TENM4: variants seen among roughly 807,000 people sequenced by gnomAD.
The protein encoded by TENM4 is teneurin-4.
TENM4 carries 82 observed loss-of-function variants against 243.3 expected under a neutral mutation model. The ratio of observed to expected loss-of-function variants is 0.34; its 90% CI spans 0.28 to 0.40. TENM4 has a LOEUF of 0.40. Ranked by LOEUF, TENM4 falls within the 10% of genes least tolerant of loss-of-function variation. TENM4 has a pLI of 1.00. For synonymous variants in TENM4, 1,412 were observed against 1,456.3 expected (o/e 0.97, Z 0.69); for missense variants, 3,138 against 3,673.3 (o/e 0.85, Z 3.77).
chr11:79,106,756 C>A lies in TENM4; in HGVS notation c.-65-36747G>T, dbSNP rs377258881. Among the ~76,000 whole-genome samples the A allele has an allele frequency of 3.9e-5, 6 of 152,196 alleles. No homozygotes were observed. In the East Asian group the frequency reaches 7.7e-4, roughly 20 times the overall value. On this transcript the variant is annotated intron_variant, in intron 4 of 33. Transcript: ENST00000278550. Reference sequence around the variant, plus strand: ...GTGCAGGGCAATGGCAGAGATGGGACAAGAACTCATCTGCTGACCCGCATC... The same window carrying A: ...GTGCAGGGCAATGGCAGAGATGGGAAAAGAACTCATCTGCTGACCCGCATC...
At chr11:78,942,435 AC>A (rs1856918860) in intron 6 of TENM4, among the ~76,000 whole-genome samples, 1 of 142,492 alleles carries the variant, frequency 7.0e-6, no homozygotes, top group Non-Finnish European at 1.5e-5. Flanking sequence ...ATAGCACAAG[AC>A]CCTGTCTCAA....
At chr11:78,854,619 G>C (rs1366472622) in intron 11 of TENM4, among the ~76,000 whole-genome samples, 1 of 152,096 alleles carries the variant, frequency 6.6e-6, no homozygotes, top group Non-Finnish European at 1.5e-5. Flanking sequence ...TCTGTACCAG[G>C]ACAACCATGC....
At chr11:78,861,987 G>T (rs1858832475) in intron 10 of TENM4, among the ~76,000 whole-genome samples, 1 of 152,156 alleles carries the variant, frequency 6.6e-6, no homozygotes, top group Non-Finnish European at 1.5e-5. Context: ...TGCCACTCTT[G>T]GCTGACAATG....
intron 4 of TENM4, among the ~76,000 whole-genome samples, chr11:79,094,573 G>T (rs1861033540): frequency 6.6e-6 from 1 of 152,162 alleles, no homozygotes; most frequent in African/African-American, 2.4e-5. Context: ...ATTCCAGTAG[G>T]CATTGGGGGG....
intron 6 of TENM4, among the ~76,000 whole-genome samples, chr11:78,970,759 A>G (rs1857526782): frequency 6.6e-6 from 1 of 152,240 alleles, no homozygotes; most frequent in African/African-American, 2.4e-5. Context: ...GAGACTATGG[A>G]AAAAATGTAG....
intron 3 of TENM4, among the ~76,000 whole-genome samples, chr11:79,210,641 G>A (rs1232432189): frequency 6.6e-6 from 1 of 152,140 alleles, no homozygotes; most frequent in Non-Finnish European, 1.5e-5. Flanking sequence ...AACCTGGGGA[G>A]CCCGGAGGGG....
chr11:78,760,727 T>C (rs1856411845), intron 18 of TENM4, among the ~76,000 whole-genome samples: 4 of 152,236 alleles, frequency 2.6e-5, no homozygotes. Flanking sequence ...CCTTTCTCTC[T>C]AGTCTTCAGG....
chr11:79,192,894 A>G (rs1018784876), intron 3 of TENM4: 1 of 152,416 alleles, frequency 6.6e-6, no homozygotes, highest in African/African-American at 2.4e-5. Flanking sequence ...TTTTCTGGCC[A>G]ACAGCTCAAA....
At chr11:79,018,990 C>T (rs1473153507) in intron 6 of TENM4, among the ~76,000 whole-genome samples, 2 of 152,208 alleles carry the variant, frequency 1.3e-5, no homozygotes, top group African/African-American at 4.8e-5. Context: ...CACCCTCCAT[C>T]TCTTGGGTTT....
chr11:79,255,225 A>T (rs74429583), intron 2 of TENM4, among the ~76,000 whole-genome samples: 1 of 152,240 alleles, frequency 6.6e-6, no homozygotes, highest in African/African-American at 2.4e-5. Context: ...ACTAAGCTGC[A>T]GAGTACAGGT....
intron 19 of TENM4, among the ~76,000 whole-genome samples, chr11:78,754,053 C>T (rs1485212718): frequency 6.6e-6 from 1 of 152,146 alleles, no homozygotes; most frequent in Non-Finnish European, 1.5e-5. Context: ...CTTTATTCTT[C>T]AAGGCAATTT....
rs1462989200 is a variant in TENM4 at position 79,438,721 on chromosome 11, C to G, written c.-321+1788G>C. On this transcript the variant is annotated intron_variant, in intron 1 of 33. Transcript: ENST00000278550. This position sits in a 1 kb window ranked among gnomAD's most constrained non-coding sequence, Gnocchi z 4.1. ...AGTCAGTTTCTGAAAACGGCGTTCC[C>G]TGGAAGGCCTTCCAACACCTCCGAG... Among the ~76,000 whole-genome samples, 2 of 152,202 alleles carry G rather than the reference C, an allele frequency of 1.3e-5. No individual in the cohort carries two copies. The highest frequency in any genetic ancestry group is 1.3e-4 in the Admixed American group (2 of 15,282).
intron 3 of TENM4, among the ~76,000 whole-genome samples, chr11:79,178,590 T>G (rs1411883494): frequency 2.0e-5 from 3 of 152,184 alleles, no homozygotes; most frequent in Non-Finnish European, 2.9e-5. Context: ...GTAAATAGTT[T>G]GAGTCATATG....
chr11:79,245,148 C>T (rs534274178), intron 2 of TENM4, among the ~76,000 whole-genome samples: 2 of 152,308 alleles, frequency 1.3e-5, no homozygotes, highest in Non-Finnish European at 2.9e-5. Context: ...AATGCAGGCA[C>T]ACCTTATCTC....
rs539692559 is a variant in TENM4, at chr11:78,723,407, T to C, written c.3551-490A>G. 2.1e-4 allele frequency among the ~76,000 whole-genome samples: 32 copies of C among 152,380 alleles called. No homozygotes were observed. In the South Asian group the frequency reaches 6.6e-3, roughly 32 times the overall value. ...GTCTTTTTCCTTTCTGTATCCCCAG[T>C]GCTTAGCGCAGAGCTTGACACAGAG... On this transcript the variant is annotated intron_variant, in intron 23 of 33. Transcript: ENST00000278550.
chr11:79,079,988 A>AGG (rs33965208), intron 4 of TENM4, among the ~76,000 whole-genome samples: 1 of 152,038 alleles, frequency 6.6e-6, no homozygotes, highest in African/African-American at 2.4e-5. Flanking sequence ...TTACTACCTC[A>AGG]GGGGGCTGAA....
At chr11:79,327,723 A>G (rs549968953) in intron 1 of TENM4, among the ~76,000 whole-genome samples, 2 of 151,230 alleles carry the variant, frequency 1.3e-5, no homozygotes, top group South Asian at 2.1e-4. Flanking sequence ...AAGGAAACCA[A>G]TGGAAAAACA....
At chr11:78,913,258 C>G (rs1259701998) in intron 6 of TENM4, among the ~76,000 whole-genome samples, 3 of 152,126 alleles carry the variant, frequency 2.0e-5, no homozygotes, top group Non-Finnish European at 4.4e-5. Context: ...ACAAACATCA[C>G]TTTTTATATG....
intron 5 of TENM4, among the ~76,000 whole-genome samples, chr11:79,066,827 G>A (rs1310506353): frequency 6.6e-6 from 1 of 152,186 alleles, no homozygotes; most frequent in Non-Finnish European, 1.5e-5. Context: ...ACAAGGAAGC[G>A]GGGAGGAGAG....
Sources: gnomAD v4.1 joint callset for allele counts (sites outside exome capture counted in the v4.1 genomes callset) on GRCh38, gnomAD v4.1.1 for gene constraint, Gnocchi (gnomAD v3.1) non-coding constraint, MANE v1.5 for transcripts, NCBI Gene and HGNC (gene_info 2026-07-23, HGNC 2026-07-21) for gene names.